DNAH8: variants seen among roughly 807,000 people sequenced by gnomAD.
DNAH8 encodes the protein dynein axonemal heavy chain 8, also known as axonemal beta dynein heavy chain 8.
Under a neutral mutation model 562.1 loss-of-function variants are expected in DNAH8, and 382 were observed. That is an observed-to-expected ratio of 0.68 (90% CI 0.63 to 0.74). The LOEUF (loss-of-function observed/expected upper bound fraction) is 0.74. Ranked by LOEUF, DNAH8 falls within the 30% of genes least tolerant of loss-of-function variation. The pLI is 0.00. For synonymous variants in DNAH8, 1,881 were observed against 1,919.4 expected (o/e 0.98, Z 0.52); for missense variants, 5,203 against 5,620.4 (o/e 0.93, Z 2.37).
chr6:38,738,325 G>A (rs1219346934), intron 7 of DNAH8, among the ~76,000 whole-genome samples: 1 of 152,152 alleles, frequency 6.6e-6, no homozygotes, highest in Non-Finnish European at 1.5e-5. Context: ...CAGAGTGCTA[G>A]ACACTAAATA....
At chr6:38,896,835 G>A (rs1199196562) in intron 60 of DNAH8, among the ~76,000 whole-genome samples, 2 of 152,084 alleles carry the variant, frequency 1.3e-5, no homozygotes, top group Non-Finnish European at 2.9e-5. Context: ...ACCCCAGGCT[G>A]GAGCACAGTG....
intron 23 of DNAH8, among the ~76,000 whole-genome samples, chr6:38,806,780 C>CAA (rs34764423): frequency 1.6e-5 from 2 of 128,516 alleles, no homozygotes; most frequent in African/African-American, 5.6e-5. Flanking sequence ...GACTCTGTCT[C>CAA]AAAAAAAAAA....
intron 82 of DNAH8, among the ~76,000 whole-genome samples, chr6:38,968,606 A>G (rs1466689569): frequency 1.3e-5 from 2 of 152,156 alleles, no homozygotes; most frequent in Non-Finnish European, 2.9e-5. Context: ...CCACTAAGAT[A>G]GCTATAATCA....
chr6:38,781,808 A>C (rs910903550), intron 16 of DNAH8, among the ~76,000 whole-genome samples: 2 of 152,328 alleles, frequency 1.3e-5, no homozygotes, highest in Non-Finnish European at 2.9e-5. Context: ...TGAGAGCGGA[A>C]TATAATACAG....
At chr6:38,740,111 C>T (rs769372129) in intron 7 of DNAH8, among the ~76,000 whole-genome samples, 2 of 152,112 alleles carry the variant, frequency 1.3e-5, no homozygotes, top group South Asian at 2.1e-4. Flanking sequence ...AATTCTGTAG[C>T]GTTTTACTAA....
rs546345213 is a variant in DNAH8, at chr6:38,847,794, G to C, written c.5046-854G>C. 1.3e-3 allele frequency among the ~76,000 whole-genome samples: 194 copies of C among 152,236 alleles called. 2 individuals carry two copies. Among genetic ancestry groups the C allele is most frequent in the Non-Finnish European group, 1.1e-3 (77 of 68,006 alleles). ...TTCTTGCTCTAACTGTAGGTAGTTGGGGTTTTTACCCAGTAGCCTCCCATT... is the reference window on the plus strand; with the variant it reads ...TTCTTGCTCTAACTGTAGGTAGTTGCGGTTTTTACCCAGTAGCCTCCCATT... On this transcript the variant is annotated intron_variant, in intron 36 of 92. Transcript: ENST00000327475.
chr6:38,938,000 A>T lies in DNAH8; in HGVS notation c.11590A>T (p.Ile3864Phe). 1 of 1,613,608 alleles carries T rather than the reference A, an allele frequency of 6.2e-7. No individual in the cohort carries two copies. The highest frequency in any genetic ancestry group is 8.5e-7 in the Non-Finnish European group (1 of 1,179,956). The change falls in exon 78 of 93, where the codon ATT becomes TTT. Residue 3864 changes from isoleucine to phenylalanine, a missense_variant. Ile to Phe is a conservative substitution (Grantham distance 21). Coordinates refer to ENST00000327475, the MANE Select transcript of DNAH8 (RefSeq NM_001206927.2). ...KGSLVDDESLIGVLRTTKQTA... is the reference protein window; with the variant it reads ...KGSLVDDESLFGVLRTTKQTA... ...CTCATTGGTAGATGACGAATCTCTCATTGGTGTACTTCGAACTACCAAGCA... is the reference window on the plus strand; with the variant it reads ...CTCATTGGTAGATGACGAATCTCTCTTTGGTGTACTTCGAACTACCAAGCA...
chr6:38,856,864 C>A (rs1181519493), intron 41 of DNAH8, among the ~76,000 whole-genome samples: 2 of 152,018 alleles, frequency 1.3e-5, no homozygotes, highest in Non-Finnish European at 1.5e-5. Flanking sequence ...AAGGGACAAC[C>A]CTTTCAGTGA....
intron 12 of DNAH8, among the ~76,000 whole-genome samples, chr6:38,772,898 T>G (rs1239113314): frequency 4.6e-5 from 7 of 151,588 alleles, no homozygotes; most frequent in Admixed American, 4.6e-4. Context: ...CATAGCTCAC[T>G]TCAGCCTTGA....
At chr6:38,943,476 G>T (rs1783616178) in intron 79 of DNAH8, among the ~76,000 whole-genome samples, 1 of 145,750 alleles carries the variant, frequency 6.9e-6, no homozygotes, top group African/African-American at 2.6e-5. Flanking sequence ...TTTCCCAAGA[G>T]TGACAGGTTT....
intron 91 of DNAH8, among the ~76,000 whole-genome samples, chr6:39,015,124 G>A (rs1324088014): frequency 6.6e-6 from 1 of 152,094 alleles, no homozygotes; most frequent in African/African-American, 2.4e-5. Flanking sequence ...CTTGGAGTTG[G>A]GAGAGGCGTA....
At chr6:38,831,471 A>G (rs1773832922) in intron 30 of DNAH8, among the ~76,000 whole-genome samples, 1 of 150,642 alleles carries the variant, frequency 6.6e-6, no homozygotes, top group Admixed American at 6.6e-5. Flanking sequence ...AGACTCACTT[A>G]GGTTGTTCCT....
chr6:39,012,769 A>C, intron 91 of DNAH8, 132 bp downstream of exon 91: 1 of 654,350 alleles, frequency 1.5e-6, no homozygotes, highest in South Asian at 2.2e-5. Context: ...AGCCATTCAA[A>C]GGCGAAAGAA....
intron 48 of DNAH8, among the ~76,000 whole-genome samples, chr6:38,869,856 G>A (rs562177226): frequency 6.6e-6 from 1 of 152,316 alleles, no homozygotes; most frequent in South Asian, 2.1e-4. Context: ...CACATTGAAT[G>A]CTAACGAACT....
At chr6:38,804,480 A>G (rs1175651921) in intron 22 of DNAH8, among the ~76,000 whole-genome samples, 1 of 152,180 alleles carries the variant, frequency 6.6e-6, no homozygotes, top group East Asian at 1.9e-4. Flanking sequence ...ATCCCTGTTT[A>G]CTACGCACCT....
intron 88 of DNAH8, among the ~76,000 whole-genome samples, chr6:38,997,966 C>A (rs1218144776): frequency 2.0e-5 from 3 of 152,160 alleles, no homozygotes; most frequent in Admixed American, 6.5e-5. Flanking sequence ...CCATGTTGGC[C>A]AGGCTGGTCT....
rs1184315439 is a variant in DNAH8, at chr6:38,723,066, A to G, written c.257A>G (p.Gln86Arg). ...DHEADLNRVR[Q>R]RLAPRPVQSV... ...GAAGCGGATCTGAATAGAGTTCGAC[A>G]GAGGCTTGCACCGCGACCGGTTCAG... Residue 86 changes from glutamine (Q) to arginine (R), a missense_variant, in exon 2 of 93, where the codon CAG becomes CGG. By Grantham distance (43) the Gln-to-Arg change is conservative. Around this residue, in one of 6 missense-constraint regions of DNAH8, gnomAD observed 556 missense variants for 496.9 expected, o/e 1.12. Coordinates refer to ENST00000327475, the MANE Select transcript of DNAH8 (RefSeq NM_001206927.2). The G allele has an allele frequency of 6.2e-7, 1 of 1,612,916 alleles. No homozygotes were observed. Among genetic ancestry groups the G allele is most frequent in the Non-Finnish European group, 8.5e-7 (1 of 1,179,898 alleles).
chr6:38,818,045 T>A (rs1031282982), intron 26 of DNAH8, among the ~76,000 whole-genome samples: 8 of 152,198 alleles, frequency 5.3e-5, no homozygotes, highest in Admixed American at 5.2e-4. Context: ...GATTTTATAC[T>A]TTCGGGATTT....
chr6:38,719,935 T>C lies in DNAH8; in HGVS notation c.-34-2841T>C, dbSNP rs1301007810. On this transcript the variant is annotated intron_variant, in intron 1 of 92. Transcript: ENST00000327475. The stretch of plus-strand genomic sequence containing the variant: ...CTTACCACCAGAAAATGGAAACAAA[T>C]ACACAATGTTAAGATTATCACCAAC... Among the ~76,000 whole-genome samples, 3 of 152,128 alleles carry C rather than the reference T, an allele frequency of 2.0e-5. No homozygotes were observed. The East Asian group carries it at 5.8e-4, about 29-fold the overall frequency.
Sources: gnomAD v4.1 joint callset for allele counts (sites outside exome capture counted in the v4.1 genomes callset) on GRCh38, gnomAD v4.1.1 for gene constraint, gnomAD v4.1.1 regional missense constraint, MANE v1.5 for transcripts, NCBI Gene and HGNC (gene_info 2026-07-23, HGNC 2026-07-21) for gene names.